The following DCAF8 variants were observed in gnomAD, a reference collection of about 807,000 sequenced individuals.
DCAF8 encodes the protein DDB1- and CUL4-associated factor 8.
In DCAF8, 20 loss-of-function variants were observed where a neutral mutation model predicts 68.0. The observed-to-expected ratio is 0.29, with a 90% CI of 0.21 to 0.43. DCAF8 has a LOEUF of 0.43. Among genes scored for constraint, DCAF8 ranks in the 20% least tolerant of loss-of-function variants. DCAF8 has a pLI of 1.00. For synonymous variants in DCAF8, 230 were observed against 276.9 expected (o/e 0.83, Z 1.68); for missense variants, 460 against 771.0 (o/e 0.60, Z 4.78).
At chr1:160,236,413 T>G (rs1469084865) in intron 6 of DCAF8, among the ~76,000 whole-genome samples, 1 of 151,602 alleles carries the variant, frequency 6.6e-6, no homozygotes, top group Non-Finnish European at 1.5e-5. Flanking sequence ...TATATGTGTG[T>G]GTATATATGT....
intron 2 of DCAF8, among the ~76,000 whole-genome samples, chr1:160,247,179 T>C (rs11265364): frequency 0.43 from 65,193 of 151,978 alleles, 14,959 homozygotes; most frequent in South Asian, 0.61. Flanking sequence ...ATGAGCTCAC[T>C]GTCCCAGGTA....
In DCAF8 at chr1:160,217,362, G is replaced by C; in HGVS notation, c.*230C>G. 1 of 405,190 alleles carries C rather than the reference G, an allele frequency of 2.5e-6. No individual in the cohort carries two copies. The highest frequency in any genetic ancestry group is 4.4e-6 in the Non-Finnish European group (1 of 229,274). 25.1% of individuals were successfully genotyped at this position (405,190 alleles called of 1,614,324 possible). A position where few individuals can be genotyped will look rare whatever the true frequency, so the allele number is the denominator to read the frequency against. On this transcript the variant is annotated 3_prime_UTR_variant, in exon 14 of 14. Transcript: ENST00000368074. ...GCTTTGGGGAGAGGCCATTTCTGCC[G>C]AGTCCTATGCACCTCTCCATAGAGC...
intron 2 of DCAF8, among the ~76,000 whole-genome samples, chr1:160,255,368 A>C (rs1278085212): frequency 1.3e-5 from 2 of 152,156 alleles, no homozygotes; most frequent in African/African-American, 2.4e-5. Flanking sequence ...TCCTGAGCTC[A>C]AGTAATCCTC....
chr1:160,221,803 C>T (rs1655304697), intron 11 of DCAF8, among the ~76,000 whole-genome samples: 1 of 140,668 alleles, frequency 7.1e-6, no homozygotes, highest in African/African-American at 2.7e-5. Context: ...GAACTCCTTC[C>T]TAATTCTAGG....
At chr1:160,243,917 A>G (rs754777334) in intron 3 of DCAF8, 43 bp downstream of exon 3, 1 of 1,601,118 alleles carries the variant, frequency 6.2e-7, no homozygotes, top group African/African-American at 1.3e-5. Context: ...GGACAACCTC[A>G]GTTGATAGTA....
chr1:160,217,310 T>C lies in DCAF8; in HGVS notation c.*282A>G, dbSNP rs181396500. On this transcript the variant is annotated 3_prime_UTR_variant, in exon 14 of 14. Coordinates refer to ENST00000368074, the MANE Select transcript of DCAF8 (RefSeq NM_015726.4). ...CCCTATCCCAAACCAGTTAACAAAA[T>C]AGGCTTCCCTCTCCTCTCAAAAAGA... 3.0e-4 allele frequency: 83 copies of C among 276,934 alleles called. 1 individual carries two copies. In the East Asian group the frequency reaches 5.1e-3, roughly 17 times the overall value. The allele number at this position is 276,934 out of a possible 1,614,324, so 17.2% of individuals were successfully genotyped here. A position where few individuals can be genotyped will look rare whatever the true frequency, so the allele number is the denominator to read the frequency against.
intron 6 of DCAF8, among the ~76,000 whole-genome samples, chr1:160,236,420 ATGTG>A (rs1013519530): frequency 8.6e-5 from 13 of 151,302 alleles, no homozygotes; most frequent in African/African-American, 4.9e-5. Flanking sequence ...GTGTGTATAT[ATGTG>A]TGTGTGTATG....
intron 2 of DCAF8, among the ~76,000 whole-genome samples, chr1:160,249,776 G>A (rs1300097136): frequency 6.6e-6 from 1 of 152,194 alleles, no homozygotes. Flanking sequence ...TAAACAAATT[G>A]TGGTAGGTCC....
intron 6 of DCAF8, 87 bp from the exon 7 acceptor site, chr1:160,231,494 T>A: frequency 1.1e-6 from 1 of 881,088 alleles, no homozygotes; most frequent in Non-Finnish European, 1.8e-6. Context: ...GTCACATGGC[T>A]AATAAGAAAC....
At position 160,224,204 on chromosome 1, in the gene DCAF8, C is replaced by A. The variant is rs577886969; in HGVS notation, c.1309+238G>T. ...GAAATCTTAAAAACAGTTAGTCTAGCCTCCTTATGTCCAAACCAATTAGAA... is the reference window on the plus strand; with the variant it reads ...GAAATCTTAAAAACAGTTAGTCTAGACTCCTTATGTCCAAACCAATTAGAA... On this transcript the variant is annotated intron_variant, in intron 10 of 13. Coordinates refer to ENST00000368074, the MANE Select transcript of DCAF8 (RefSeq NM_015726.4). Among the ~76,000 whole-genome samples the A allele has an allele frequency of 4.3e-4, 65 of 152,316 alleles. 1 individual carries two copies. The highest frequency in any genetic ancestry group is 3.4e-3 in the Middle Eastern group (1 of 294).
In DCAF8 at chr1:160,217,453, T is replaced by C; in HGVS notation, c.*139A>G. ...TTGGTTCACTCCTCTGGTTTGTCCT[T>C]CTCCTGGGATGTCTTTCTTTTATCT... is the stretch of plus-strand genomic sequence containing the variant. On this transcript the variant is annotated 3_prime_UTR_variant, in exon 14 of 14. Coordinates refer to ENST00000368074, the MANE Select transcript of DCAF8 (RefSeq NM_015726.4). 3.3e-6 allele frequency: 2 copies of C among 607,342 alleles called. No individual in the cohort carries two copies. Among genetic ancestry groups the C allele is most frequent in the South Asian group, 4.4e-5 (2 of 45,078 alleles). The allele number at this position is 607,342 out of a possible 1,614,324, so 37.6% of individuals were successfully genotyped here. A position where few individuals can be genotyped will look rare whatever the true frequency, so the allele number is the denominator to read the frequency against.
chr1:160,261,437 T>C (rs1207630146), intron 1 of DCAF8, 79 bp from the exon 2 acceptor site: 1 of 152,250 alleles, frequency 6.6e-6, no homozygotes, highest in African/African-American at 2.4e-5. Flanking sequence ...TACACTTTAG[T>C]ATTTTTAGGC....
chr1:160,217,515 A>G lies in DCAF8; in HGVS notation c.*77T>C. 9.5e-7 allele frequency: 1 copy of G among 1,057,788 alleles called. No homozygotes were observed. The allele number at this position is 1,057,788 out of a possible 1,614,324, so 65.5% of individuals were successfully genotyped here. A position where few individuals can be genotyped will look rare whatever the true frequency, so the allele number is the denominator to read the frequency against. ...TCCAAAGTGCGTTTCTGCTGAATGT[A>G]GGGCCTGGGACAGGAAAGGGTTGCC... On this transcript the variant is annotated 3_prime_UTR_variant, in exon 14 of 14. Transcript: ENST00000368074.
chr1:160,249,920 T>C (rs1001208226), intron 2 of DCAF8, among the ~76,000 whole-genome samples: 2 of 152,218 alleles, frequency 1.3e-5, no homozygotes, highest in Non-Finnish European at 2.9e-5. Flanking sequence ...TGATTCCACT[T>C]ATAGTACTTT....
intron 4 of DCAF8, chr1:160,239,168 T>C (rs751152053): frequency 1.1e-4 from 113 of 1,068,274 alleles, no homozygotes; most frequent in Non-Finnish European, 1.2e-4. Context: ...CTGGTACCAG[T>C]ACAGTAGATG....
intron 2 of DCAF8, among the ~76,000 whole-genome samples, chr1:160,257,802 C>A (rs775070205): frequency 6.6e-6 from 1 of 152,230 alleles, no homozygotes. Flanking sequence ...GTGATCACTG[C>A]GCAATCTCAG....
At chr1:160,222,141 TAATCA>T in intron 11 of DCAF8, among the ~76,000 whole-genome samples, 1 of 152,354 alleles carries the variant, frequency 6.6e-6, no homozygotes, top group South Asian at 2.1e-4. Context: ...ATATTCTAAG[TAATCA>T]AATCAATTTA....
intron 4 of DCAF8, 159 bp downstream of exon 4, chr1:160,239,538 T>G: frequency 6.5e-7 from 1 of 1,546,418 alleles, no homozygotes; most frequent in Non-Finnish European, 8.7e-7. Flanking sequence ...GCCAAGAGTC[T>G]TTCAGTGTAT....
chr1:160,226,353 T>A (rs1235461958), intron 7 of DCAF8, among the ~76,000 whole-genome samples: 1 of 152,076 alleles, frequency 6.6e-6, no homozygotes, highest in Non-Finnish European at 1.5e-5. Context: ...ACCACCCATA[T>A]CCTCAAGACT....
Sources: allele counts gnomAD v4.1 joint callset (sites outside exome capture counted in the v4.1 genomes callset), GRCh38; gene constraint gnomAD v4.1.1; transcripts MANE v1.5; gene names NCBI Gene and HGNC (gene_info 2026-07-23, HGNC 2026-07-21).